The following NRIP1 variants were observed in gnomAD, a reference collection of about 807,000 sequenced individuals.
NRIP1 encodes nuclear receptor-interacting protein 1.
Under a neutral mutation model 75.0 loss-of-function variants are expected in NRIP1, and 28 were observed. That is an observed-to-expected ratio of 0.37 (90% CI 0.28 to 0.51). NRIP1 has a LOEUF of 0.51. Among genes scored for constraint, NRIP1 ranks in the 20% least tolerant of loss-of-function variants. The pLI is 0.92. For missense variants in NRIP1, 1,435 were observed against 1,343.7 expected (o/e 1.07, Z -1.06); for synonymous variants, 526 against 487.6 (o/e 1.08, Z -1.04).
chr21:14,980,821 C>T (rs963952462), intron 3 of NRIP1, among the ~76,000 whole-genome samples: 1 of 151,968 alleles, frequency 6.6e-6, no homozygotes, highest in Admixed American at 6.5e-5. Flanking sequence ...AAATTAAATA[C>T]CTTTGCATGA....
intron 2 of NRIP1, among the ~76,000 whole-genome samples, chr21:15,021,299 T>C (rs2088368096): frequency 2.0e-5 from 3 of 152,214 alleles, no homozygotes; most frequent in African/African-American, 4.8e-5. Context: ...GATATCTATA[T>C]TGTATGATTC....
At chr21:15,065,619 G>C (rs1313674468), upstream of NRIP1, 3 of 152,304 alleles carry the variant, frequency 2.0e-5, no homozygotes, top group Admixed American at 2.0e-4. Context: ...TTTAATGTTG[G>C]GGGGCACGGG....
chr21:14,978,434 T>C (rs1415125030), intron 3 of NRIP1, among the ~76,000 whole-genome samples: 1 of 152,198 alleles, frequency 6.6e-6, no homozygotes, highest in Non-Finnish European at 1.5e-5. Context: ...CCCCAAAAGG[T>C]ATCTATGTTC....
chr21:14,963,487 A>T lies in NRIP1; in HGVS notation c.*1229T>A, dbSNP rs544539107. The T allele has an allele frequency of 6.5e-6, 1 of 152,674 alleles. No homozygotes were observed. Among genetic ancestry groups the T allele is most frequent in the Admixed American group, 6.6e-5 (1 of 15,244 alleles). 9.5% of individuals were successfully genotyped at this position (152,674 alleles called of 1,614,324 possible). The stretch of plus-strand genomic sequence containing the variant: ...TTCTGAACCCGATTTCCAAAGACAT[A>T]ACGGTAATATATGAACTACAATATT... On this transcript the variant is annotated 3_prime_UTR_variant, in exon 4 of 4. Transcript: ENST00000318948.
At chr21:15,065,195 G>A (rs1189675688), upstream of NRIP1, among the ~76,000 whole-genome samples, 3 of 152,024 alleles carry the variant, frequency 2.0e-5, no homozygotes, top group African/African-American at 7.2e-5. Context: ...GGATCCGGGC[G>A]GCTCACAGGA....
Position 14,967,590 on chromosome 21 carries a change from C to T in NRIP1, c.603G>A (p.Thr201=), listed in dbSNP as rs149549823. The change falls in exon 4 of 4, where the codon ACG becomes ACA. Residue 201 remains threonine, a synonymous_variant. Transcript: ENST00000318948. ...KSKVKDQKPD[T]NLPDVTKNLI... ...GGTTTTTAGTCACATCAGGAAGATT[C>T]GTATCAGGCTTTTGATCTTTAACTT... is the stretch of plus-strand genomic sequence containing the variant. 3.0e-5 allele frequency: 49 copies of T among 1,613,998 alleles called. No homozygotes were observed. The highest frequency in any genetic ancestry group is 3.3e-4 in the Middle Eastern group (2 of 6,056).
At chr21:15,017,362 G>C (rs2088260642) in intron 2 of NRIP1, among the ~76,000 whole-genome samples, 1 of 152,168 alleles carries the variant, frequency 6.6e-6, no homozygotes, top group Non-Finnish European at 1.5e-5. Flanking sequence ...CCAACTTAGA[G>C]GAACATTATT....
intron 2 of NRIP1, among the ~76,000 whole-genome samples, chr21:15,023,145 T>C (rs2088420177): frequency 6.6e-6 from 1 of 152,196 alleles, no homozygotes; most frequent in African/African-American, 2.4e-5. Context: ...AAGACTGTGG[T>C]GTTGGTTACA....
At chr21:15,000,541 T>C (rs2087827183) in intron 3 of NRIP1, among the ~76,000 whole-genome samples, 2 of 152,218 alleles carry the variant, frequency 1.3e-5, no homozygotes, top group Admixed American at 6.5e-5. Flanking sequence ...CCCATCTTAC[T>C]TGGCTAATTA....
rs1179727551 is a variant in NRIP1 at position 14,964,266 on chromosome 21, GGTT to G, written c.*447_*449del. 1 of 149,786 alleles carries G rather than the reference GGTT, an allele frequency of 6.7e-6. No homozygotes were observed. The highest frequency in any genetic ancestry group is 6.8e-5 in the Admixed American group (1 of 14,704). The allele number at this position is 149,786 out of a possible 1,614,324, so 9.3% of individuals were successfully genotyped here. The stretch of plus-strand genomic sequence containing the variant: ...GATAATAAGCTGTGAATCAGCACTA[GGTT>G]TTTTTTTATTGGATAATTATCCTTT... On this transcript the variant is annotated 3_prime_UTR_variant, in exon 4 of 4. Coordinates refer to ENST00000318948, the MANE Select transcript of NRIP1 (RefSeq NM_003489.4).
At position 14,980,384 on chromosome 21, in the gene NRIP1, G is replaced by A. The variant is rs534643153; in HGVS notation, c.-334-11858C>T. Among the ~76,000 whole-genome samples the A allele has an allele frequency of 5.3e-5, 8 of 152,144 alleles. No homozygotes were observed. In the East Asian group the frequency reaches 1.4e-3, roughly 26 times the overall value. Reference sequence around the variant, plus strand: ...AGCTACTCAGGAGGCTGAGGCACGAGAATCGCTTAAACCTGGAAGGCGGAG... The same window carrying A: ...AGCTACTCAGGAGGCTGAGGCACGAAAATCGCTTAAACCTGGAAGGCGGAG... On this transcript the variant is annotated intron_variant, in intron 3 of 3. Coordinates refer to ENST00000318948, the MANE Select transcript of NRIP1 (RefSeq NM_003489.4).
rs1378510655 is a variant in NRIP1, at chr21:14,962,309, T to C, written c.*2407A>G. The stretch of plus-strand genomic sequence containing the variant: ...TCACCCTAAATTCAAATTGGGAACA[T>C]TCTCTAGTAAATCAGAACAGCATTC... On this transcript the variant is annotated 3_prime_UTR_variant, in exon 4 of 4. Coordinates refer to ENST00000318948, the MANE Select transcript of NRIP1 (RefSeq NM_003489.4). The C allele has an allele frequency of 2.0e-5, 3 of 152,056 alleles. No individual in the cohort carries two copies. Among genetic ancestry groups the C allele is most frequent in the African/African-American group, 7.2e-5 (3 of 41,382 alleles). The allele number at this position is 152,056 out of a possible 1,614,324, so 9.4% of individuals were successfully genotyped here.
chr21:15,024,603 TG>T (rs2088472633), intron 2 of NRIP1, among the ~76,000 whole-genome samples: 1 of 151,206 alleles, frequency 6.6e-6, no homozygotes, highest in Non-Finnish European at 1.5e-5. Flanking sequence ...TGTGTCTGTG[TG>T]TGTGTGTCCT....
At chr21:15,007,352 A>C (rs923987397) in intron 3 of NRIP1, among the ~76,000 whole-genome samples, 1 of 152,224 alleles carries the variant, frequency 6.6e-6, no homozygotes, top group African/African-American at 2.4e-5. Flanking sequence ...GCTGCTTTGA[A>C]TATTTAAAAA....
chr21:15,060,408 T>A (rs111383431), intron 1 of NRIP1, among the ~76,000 whole-genome samples: 1,688 of 152,200 alleles, frequency 0.011, 30 homozygotes, highest in African/African-American at 0.038. Context: ...GAATCATAGG[T>A]AATGTGCTTA....
intron 1 of NRIP1, among the ~76,000 whole-genome samples, chr21:15,064,451 C>T (rs957974071): frequency 6.6e-6 from 1 of 152,092 alleles, no homozygotes; most frequent in Non-Finnish European, 1.5e-5. Context: ...AGTCCGGCCC[C>T]GCTCAGGGGC....
Position 14,961,277 on chromosome 21 carries a change from GTAA to G in NRIP1, c.*3436_*3438del, listed in dbSNP as rs1392669589. 1 of 152,344 alleles carries G rather than the reference GTAA, an allele frequency of 6.6e-6. No homozygotes were observed. Among genetic ancestry groups the G allele is most frequent in the Middle Eastern group, 3.2e-3 (1 of 316 alleles). The allele number at this position is 152,344 out of a possible 1,614,324, so 9.4% of individuals were successfully genotyped here. On this transcript the variant is annotated 3_prime_UTR_variant, in exon 4 of 4. Coordinates refer to ENST00000318948, the MANE Select transcript of NRIP1 (RefSeq NM_003489.4). Reference sequence around the variant, plus strand: ...CATTTATTCAAATTCACTGCAGGAAGTAAACACTAAAAGATTAAAAAACAAAAC... The same window carrying G: ...CATTTATTCAAATTCACTGCAGGAAGACACTAAAAGATTAAAAAACAAAAC...
chr21:15,020,829 A>C (rs528818234), intron 2 of NRIP1, among the ~76,000 whole-genome samples: 1 of 152,110 alleles, frequency 6.6e-6, no homozygotes, highest in Non-Finnish European at 1.5e-5. Context: ...ATGAAATACT[A>C]GTAAAATCAC....
rs2086711507 is a variant in NRIP1, at chr21:14,965,570, T to G, written c.2623A>C (p.Asn875His). The G allele has an allele frequency of 1.2e-6, 2 of 1,613,910 alleles. No individual in the cohort carries two copies. Among genetic ancestry groups the G allele is most frequent in the South Asian group, 2.2e-5 (2 of 91,090 alleles). Residue 875 changes from asparagine (N) to histidine (H), a missense_variant, in exon 4 of 4, where the codon AAC becomes CAC. Asn to His is a moderately conservative substitution (Grantham distance 68). Coordinates refer to ENST00000318948, the MANE Select transcript of NRIP1 (RefSeq NM_003489.4). ...PLENPFKKMK[N>H]NIVDAANNHS... ...TTGTTTGCAGCATCAACAATGTTGT[T>G]TTTCATCTTTTTAAATGGATTTTCT...
Sources: allele counts gnomAD v4.1 joint callset (sites outside exome capture counted in the v4.1 genomes callset), GRCh38; gene constraint gnomAD v4.1.1; transcripts MANE v1.5; gene names NCBI Gene and HGNC (gene_info 2026-07-23, HGNC 2026-07-21).